RANBP9: variants seen among roughly 807,000 people sequenced by gnomAD.
RANBP9 encodes the protein ran-binding protein 9.
Under a neutral mutation model 84.3 loss-of-function variants are expected in RANBP9, and 15 were observed. The ratio of observed to expected loss-of-function variants is 0.18; its 90% confidence interval spans 0.12 to 0.27. The LOEUF is 0.27. Among genes scored for constraint, RANBP9 ranks in the 10% least tolerant of loss-of-function variants. The probability of loss-of-function intolerance (pLI) is 1.00; values close to 1 mark genes in which losing one functional copy is unlikely to be tolerated. For missense variants in RANBP9, 809 were observed against 912.8 expected (o/e 0.89, Z 1.46); for synonymous variants, 392 against 349.6 (o/e 1.12, Z -1.35).
At chr6:13,625,207 C>G (rs2127758065) in intron 13 of RANBP9, among the ~76,000 whole-genome samples, 1 of 152,312 alleles carries the variant, frequency 6.6e-6, no homozygotes, top group Middle Eastern at 3.4e-3. Context: ...TTCTCCGATT[C>G]CTTCTACAGC....
chr6:13,670,579 G>A lies in RANBP9; in HGVS notation c.684-11747C>T, dbSNP rs566079422. On this transcript the variant is annotated intron_variant, in intron 2 of 13. Transcript: ENST00000011619. ...TGGGAGGCTGAGGCAGGCAGATCAC[G>A]AGGTCAGGAGATCGAGACCATCCTG... Among the ~76,000 whole-genome samples the A allele has an allele frequency of 1.8e-4, 28 of 151,944 alleles. No individual in the cohort carries two copies. In the East Asian group the frequency reaches 3.1e-3, roughly 17 times the overall value.
intron 5 of RANBP9, among the ~76,000 whole-genome samples, chr6:13,651,490 G>C (rs1271108965): frequency 6.6e-6 from 1 of 151,892 alleles, no homozygotes; most frequent in East Asian, 1.9e-4. Context: ...CGCCTCCTGG[G>C]TTCACGCCAT....
At position 13,666,950 on chromosome 6, in the gene RANBP9, T is replaced by A. The variant is rs528345291; in HGVS notation, c.684-8118A>T. On this transcript the variant is annotated intron_variant, in intron 2 of 13. Transcript: ENST00000011619. ...ATTTGTAATACCAGTTGTGGCTGGGTGTGGCTCATGACACACAGTAAACTG... is the reference window on the plus strand; with the variant it reads ...ATTTGTAATACCAGTTGTGGCTGGGAGTGGCTCATGACACACAGTAAACTG... Among the ~76,000 whole-genome samples the A allele has an allele frequency of 2.0e-5, 3 of 152,246 alleles. No individual in the cohort carries two copies. The South Asian group carries it at 6.2e-4, about 32-fold the overall frequency.
chr6:13,659,257 T>TACACACAC lies in RANBP9; in HGVS notation c.684-433_684-426dup, dbSNP rs60255234. Among the ~76,000 whole-genome samples, 412 of 130,664 alleles carry TACACACAC rather than the reference T, an allele frequency of 3.2e-3. 1 individual carries two copies. Among genetic ancestry groups the TACACACAC allele is most frequent in the African/African-American group, 9.6e-3 (341 of 35,386 alleles). The allele number at this position is 130,664 out of a possible 152,430, so 85.7% of individuals were successfully genotyped here. A position where few individuals can be genotyped will look rare whatever the true frequency, so the allele number is the denominator to read the frequency against. On this transcript the variant is annotated intron_variant, in intron 2 of 13. Transcript: ENST00000011619. Reference sequence around the variant, plus strand: ...AATTTAGACCCCACACACACACACATACACACACACACACACACACACACA... The same window carrying TACACACAC: ...AATTTAGACCCCACACACACACACATACACACACACACACACACACACACACACACACA...
chr6:13,711,464 T>C lies in RANBP9; in HGVS notation c.42A>G (p.Gln14=), dbSNP rs1219010163. The C allele has an allele frequency of 8.9e-6, 11 of 1,235,762 alleles. No individual in the cohort carries two copies. Among genetic ancestry groups the C allele is most frequent in the East Asian group, 6.4e-5 (2 of 31,144 alleles). The allele number at this position is 1,235,762 out of a possible 1,614,324, so 76.5% of individuals were successfully genotyped here. The change falls in exon 1 of 14, where the codon CAA becomes CAG. Residue 14 remains glutamine, a synonymous_variant. Coordinates refer to ENST00000011619, the MANE Select transcript of RANBP9 (RefSeq NM_005493.3). ...GTGGCGGCGACAGCTGCTGCTGCTGTTGCTGCTGCTGCGGCGGCGGCGGCG... is the reference window on the plus strand; with the variant it reads ...GTGGCGGCGACAGCTGCTGCTGCTGCTGCTGCTGCTGCGGCGGCGGCGGCG... ...QPPPPPPQQQ[Q]QQQQLSPPPP...
Position 13,696,893 on chromosome 6 carries a change from T to C in RANBP9, c.575A>G (p.His192Arg). The change falls in exon 2 of 14, where the codon CAT becomes CGT. Residue 192 changes from histidine (H) to arginine (R), a missense_variant. His to Arg is a conservative substitution (Grantham distance 29). Transcript: ENST00000011619. ...QNNLRVHYKG[H>R]GKTPKDAASV... is the part of the protein sequence containing the mutation. ...CGCGGCATCTTTTGGGGTTTTGCCA[T>C]GACCTGCATAGAAACAGGAAGGAAA... 6.2e-7 allele frequency: 1 copy of C among 1,610,496 alleles called. No individual in the cohort carries two copies. Among genetic ancestry groups the C allele is most frequent in the Non-Finnish European group, 8.5e-7 (1 of 1,177,648 alleles).
At chr6:13,703,979 G>A (rs1340849472) in intron 1 of RANBP9, among the ~76,000 whole-genome samples, 1 of 152,128 alleles carries the variant, frequency 6.6e-6, no homozygotes, top group Non-Finnish European at 1.5e-5. Flanking sequence ...GAGCCTAACA[G>A]CTAAAGACCC....
chr6:13,657,574 T>C (rs1430111151), intron 3 of RANBP9, among the ~76,000 whole-genome samples: 1 of 152,182 alleles, frequency 6.6e-6, no homozygotes, highest in Non-Finnish European at 1.5e-5. Flanking sequence ...TTTCTGTGCA[T>C]ATTCCGTTTG....
intron 11 of RANBP9, among the ~76,000 whole-genome samples, chr6:13,633,137 C>T (rs956068588): frequency 6.6e-6 from 1 of 151,960 alleles, no homozygotes; most frequent in Admixed American, 6.6e-5. Flanking sequence ...CAGGTTCAAG[C>T]AATTCTCCTG....
chr6:13,697,793 A>G (rs1757876861), intron 1 of RANBP9, among the ~76,000 whole-genome samples: 2 of 152,336 alleles, frequency 1.3e-5, no homozygotes, highest in Middle Eastern at 3.4e-3. Flanking sequence ...GAGTGAGACA[A>G]GTCTCCATAT....
chr6:13,694,595 C>T (rs1766398707), intron 2 of RANBP9, among the ~76,000 whole-genome samples: 1 of 152,106 alleles, frequency 6.6e-6, no homozygotes, highest in African/African-American at 2.4e-5. Flanking sequence ...TTTTGCTTTC[C>T]TCAGTGTTTC....
rs771156415 is a variant in RANBP9, at chr6:13,710,895, G to T, written c.571+40C>A. The T allele has an allele frequency of 7.1e-6, 11 of 1,554,120 alleles. No homozygotes were observed. The Admixed American group carries it at 7.6e-5, about 11-fold the overall frequency. On this transcript the variant is annotated intron_variant, in intron 1 of 13. Transcript: ENST00000011619. ...GCGCAGCGGCGGCCGGCCACGTCGG[G>T]TCAGTGCCCCACTCCCACCGCAGGA...
At chr6:13,631,713 T>A (rs1192990985) in intron 12 of RANBP9, among the ~76,000 whole-genome samples, 1 of 152,240 alleles carries the variant, frequency 6.6e-6, no homozygotes, top group Non-Finnish European at 1.5e-5. Flanking sequence ...GTTAAAGAGC[T>A]GTACATCTCT....
chr6:13,655,385 G>A (rs920264176), intron 4 of RANBP9, among the ~76,000 whole-genome samples: 15 of 152,252 alleles, frequency 9.9e-5, no homozygotes, highest in African/African-American at 3.6e-4. Flanking sequence ...AAGGAGAATT[G>A]CTTGAAACTA....
At chr6:13,633,782 C>T (rs1423952346) in intron 11 of RANBP9, among the ~76,000 whole-genome samples, 2 of 152,142 alleles carry the variant, frequency 1.3e-5, no homozygotes, top group Non-Finnish European at 2.9e-5. Context: ...CCATGGAATT[C>T]CAACAAATAA....
At chr6:13,706,961 G>T (rs1174624700) in intron 1 of RANBP9, among the ~76,000 whole-genome samples, 1 of 145,750 alleles carries the variant, frequency 6.9e-6, no homozygotes, top group African/African-American at 2.6e-5. Context: ...AGTAGAGATT[G>T]TACCACCGCA....
chr6:13,682,239 T>C (rs1766060821), intron 2 of RANBP9, among the ~76,000 whole-genome samples: 1 of 151,936 alleles, frequency 6.6e-6, no homozygotes. Context: ...TAAAAATCAG[T>C]CCCTAAGAAT....
chr6:13,659,259 C>T lies in RANBP9; in HGVS notation c.684-427G>A, dbSNP rs1467162103. On this transcript the variant is annotated intron_variant, in intron 2 of 13. Transcript: ENST00000011619. The stretch of plus-strand genomic sequence containing the variant: ...TTTAGACCCCACACACACACACATA[C>T]ACACACACACACACACACACACACA... Among the ~76,000 whole-genome samples, 7 of 38,834 alleles carry T rather than the reference C, an allele frequency of 1.8e-4. No individual in the cohort carries two copies. The Admixed American group carries it at 2.1e-3, about 12-fold the overall frequency. 25.5% of individuals were successfully genotyped at this position (38,834 alleles called of 152,430 possible).
Position 13,711,591 on chromosome 6 carries a change from G to T in RANBP9, c.-86C>A. On this transcript the variant is annotated 5_prime_UTR_variant, in exon 1 of 14. Coordinates refer to ENST00000011619, the MANE Select transcript of RANBP9 (RefSeq NM_005493.3). The stretch of plus-strand genomic sequence containing the variant: ...CGGGGGCGCTGTCGCTGCGGCCGCC[G>T]GCACCAGGCGCCCAGTCCGCCCGCC... 1.0e-5 allele frequency: 12 copies of T among 1,174,998 alleles called. No individual in the cohort carries two copies. Among genetic ancestry groups the T allele is most frequent in the Non-Finnish European group, 1.2e-5 (11 of 943,308 alleles). The allele number at this position is 1,174,998 out of a possible 1,614,324, so 72.8% of individuals were successfully genotyped here.
Sources: gnomAD v4.1 joint callset for allele counts (sites outside exome capture counted in the v4.1 genomes callset) on GRCh38, gnomAD v4.1.1 for gene constraint, MANE v1.5 for transcripts, NCBI Gene and HGNC (gene_info 2026-07-23, HGNC 2026-07-21) for gene names.